SLC25A25: variants seen among roughly 807,000 people sequenced by gnomAD.
The protein encoded by SLC25A25 is mitochondrial adenyl nucleotide antiporter SLC25A25.
In SLC25A25, 32 loss-of-function variants were observed where a neutral mutation model predicts 57.7. The observed-to-expected ratio is 0.55, with a 90% CI of 0.42 to 0.74. The LOEUF (loss-of-function observed/expected upper bound fraction) is 0.74, where lower values mean the gene tolerates loss of function less well. Ranked by LOEUF, SLC25A25 falls within the 30% of genes least tolerant of loss-of-function variation. The pLI is 0.00. For synonymous variants in SLC25A25, 306 were observed against 291.2 expected (o/e 1.05, Z -0.52); for missense variants, 556 against 701.3 (o/e 0.79, Z 2.34).
intron 6 of SLC25A25, among the ~76,000 whole-genome samples, chr9:128,104,249 A>G (rs1833925818): frequency 6.6e-6 from 1 of 152,186 alleles, no homozygotes; most frequent in Non-Finnish European, 1.5e-5. Context: ...CAGCAGAGAT[A>G]AGCTGGGCTG....
chr9:128,107,792 A>T lies in SLC25A25; in HGVS notation c.*348A>T. ...CTTAGTTCTTCCATTTCACCCTTGC[A>T]GCCAGCTGTTGGCCACGGCCCCTGC... On this transcript the variant is annotated 3_prime_UTR_variant, in exon 11 of 11. Coordinates refer to ENST00000373069, the MANE Select transcript of SLC25A25 (RefSeq NM_001330988.2). The T allele has an allele frequency of 2.5e-6, 1 of 406,068 alleles. No homozygotes were observed. Among genetic ancestry groups the T allele is most frequent in the Non-Finnish European group, 4.3e-6 (1 of 230,364 alleles). The allele number at this position is 406,068 out of a possible 1,614,324, so 25.2% of individuals were successfully genotyped here. A position where few individuals can be genotyped will look rare whatever the true frequency, so the allele number is the denominator to read the frequency against.
intron 1 of SLC25A25, chr9:128,091,469 G>C: frequency 1.0e-6 from 1 of 986,898 alleles, no homozygotes; most frequent in Non-Finnish European, 1.2e-6. Context: ...GATGAGCGAG[G>C]ACAGCTGAAT....
intron 1 of SLC25A25, chr9:128,092,164 TG>T (rs1833428555): frequency 6.5e-7 from 1 of 1,543,334 alleles, no homozygotes; most frequent in Non-Finnish European, 8.8e-7. Flanking sequence ...AAAACGAGTG[TG>T]GGGAGGAAGG....
chr9:128,106,517 C>T lies in SLC25A25; in HGVS notation c.1209C>T (p.Tyr403=), dbSNP rs1332755791. 8.7e-6 allele frequency: 14 copies of T among 1,600,588 alleles called. No homozygotes were observed. Among genetic ancestry groups the T allele is most frequent in the Middle Eastern group, 1.8e-4 (1 of 5,548 alleles). Residue 403 remains tyrosine, a synonymous_variant, in exon 9 of 11, where the codon TAC becomes TAT. Transcript: ENST00000373069. ...ATGCCGGCATCGACCTTGCAGTCTA[C>T]GAGGTGAGGCCCAAGCTGGACAGAT... ...IPYAGIDLAV[Y]ETLKNAWLQH...
At chr9:128,086,832 G>A (rs1303624862) in intron 1 of SLC25A25, among the ~76,000 whole-genome samples, 1 of 152,164 alleles carries the variant, frequency 6.6e-6, no homozygotes, top group Non-Finnish European at 1.5e-5. Context: ...CCTTTGAGCT[G>A]TGGTCCTCAT....
rs1396105260 is a variant in SLC25A25 at position 128,102,519 on chromosome 9, G to A, written c.624+38G>A. 4 of 1,555,728 alleles carry A rather than the reference G, an allele frequency of 2.6e-6. No individual in the cohort carries two copies. Among genetic ancestry groups the A allele is most frequent in the Non-Finnish European group, 3.5e-6 (4 of 1,132,694 alleles). Reference sequence around the variant, plus strand: ...TGCCCAGGGCCCTCATCTGCTCCCAGGGACCCTTAGCCCAGAGTCACCCAG... The same window carrying A: ...TGCCCAGGGCCCTCATCTGCTCCCAAGGACCCTTAGCCCAGAGTCACCCAG... On this transcript the variant is annotated intron_variant, in intron 5 of 10. Transcript: ENST00000373069. The surrounding 1 kb of genome is among the most constrained non-coding windows in gnomAD (Gnocchi z 4.1).
rs946861770 is a variant in SLC25A25 at position 128,108,612 on chromosome 9, T to G, written c.*1168T>G. ...TTTTCAAGTTCATTTTTTATTCATA[T>G]TTATGTTCATGGTTGATTGTACCTT... On this transcript the variant is annotated 3_prime_UTR_variant, in exon 11 of 11. Coordinates refer to ENST00000373069, the MANE Select transcript of SLC25A25 (RefSeq NM_001330988.2). The G allele has an allele frequency of 5.8e-6, 1 of 173,284 alleles. No individual in the cohort carries two copies. The highest frequency in any genetic ancestry group is 6.3e-5 in the Admixed American group (1 of 15,868). 10.7% of individuals were successfully genotyped at this position (173,284 alleles called of 1,614,324 possible). A position where few individuals can be genotyped will look rare whatever the true frequency, so the allele number is the denominator to read the frequency against.
chr9:128,101,371 C>G lies in SLC25A25; in HGVS notation c.451C>G (p.Gln151Glu). 1 of 1,614,262 alleles carries G rather than the reference C, an allele frequency of 6.2e-7. No individual in the cohort carries two copies. The highest frequency in any genetic ancestry group is 1.3e-5 in the African/African-American group (1 of 75,082). Residue 151 changes from glutamine (Q) to glutamate (E), a missense_variant, in exon 3 of 11, where the codon CAG becomes GAG. By Grantham distance (29) the Gln-to-Glu change is conservative (BLOSUM62 2). This residue lies in a region of SLC25A25 where 248 missense variants were observed against 273.5 expected (regional missense o/e 0.91). Coordinates refer to ENST00000373069, the MANE Select transcript of SLC25A25 (RefSeq NM_001330988.2). The surrounding 1 kb of genome is among the most constrained non-coding windows in gnomAD (Gnocchi z 4.9). Reference sequence around the variant, plus strand: ...GGACTTGGGAGTCAAGATATCTGAACAGCAGGCAGAAAAAATTCTCAAGAG... The same window carrying G: ...GGACTTGGGAGTCAAGATATCTGAAGAGCAGGCAGAAAAAATTCTCAAGAG... ...LRDLGVKISE[Q>E]QAEKILKRIR...
At position 128,068,414 on chromosome 9, in the gene SLC25A25, T is replaced by A; in HGVS notation, c.95T>A (p.Val32Glu). The part of the protein sequence containing the change: ...ASSSASSPAS[V>E]GDPCGGAICG... ...TCGTCTGCCTCATCGCCGGCGTCCG[T>A]GGGGGACCCCTGCGGCGGCGCTATC... The change falls in exon 1 of 11, where the codon GTG becomes GAG. Residue 32 changes from valine to glutamate, a missense_variant. Val to Glu is a moderately radical substitution (Grantham distance 121, BLOSUM62 -2). This residue lies in a region of SLC25A25 where 248 missense variants were observed against 273.5 expected (regional missense o/e 0.91). Transcript: ENST00000373069. 6.4e-7 allele frequency: 1 copy of A among 1,562,120 alleles called. No individual in the cohort carries two copies. The highest frequency in any genetic ancestry group is 8.6e-7 in the Non-Finnish European group (1 of 1,164,152).
intron 6 of SLC25A25, among the ~76,000 whole-genome samples, chr9:128,104,831 A>AATTATTATTATT (rs57220788): frequency 2.9e-4 from 42 of 144,570 alleles, no homozygotes; most frequent in African/African-American, 1.0e-3. Flanking sequence ...GATTTTTAAA[A>AATTATTATTATT]ATTATTATTA....
rs763732272 is a variant in SLC25A25 at position 128,105,894 on chromosome 9, C to A, written c.936+13C>A. ...GGCCTATGAGCAGGTGAGGACCCAG[C>A]TCCTCAGGAGGGTCACCGGCCAGTG... On this transcript the variant is annotated intron_variant, in intron 7 of 10. Coordinates refer to ENST00000373069, the MANE Select transcript of SLC25A25 (RefSeq NM_001330988.2). 1 of 1,612,560 alleles carries A rather than the reference C, an allele frequency of 6.2e-7. No homozygotes were observed. The highest frequency in any genetic ancestry group is 8.5e-7 in the Non-Finnish European group (1 of 1,179,056).
At chr9:128,106,875 T>C (rs1435785749) in intron 9 of SLC25A25, among the ~76,000 whole-genome samples, 154 bp from the exon 10 acceptor site, 1 of 152,082 alleles carries the variant, frequency 6.6e-6, no homozygotes, top group Non-Finnish European at 1.5e-5. Context: ...GAATTCCCAG[T>C]GACAGCAGAA....
chr9:128,081,882 G>C (rs1833163154), intron 1 of SLC25A25, among the ~76,000 whole-genome samples: 1 of 151,752 alleles, frequency 6.6e-6, no homozygotes. Flanking sequence ...GATCATACCT[G>C]CACTCCAGTC....
In SLC25A25 at chr9:128,107,894, C is replaced by T. The variant is rs1228237381; in HGVS notation, c.*450C>T. On this transcript the variant is annotated 3_prime_UTR_variant, in exon 11 of 11. Transcript: ENST00000373069. ...CTGAGGTAAGGTGGGAGGAGGGCTA[C>T]AGCCCACATCCCACCCCCTCGTCCA... 2 of 400,570 alleles carry T rather than the reference C, an allele frequency of 5.0e-6. No homozygotes were observed. The highest frequency in any genetic ancestry group is 8.8e-6 in the Non-Finnish European group (2 of 227,552). The allele number at this position is 400,570 out of a possible 1,614,324, so 24.8% of individuals were successfully genotyped here. A position where few individuals can be genotyped will look rare whatever the true frequency, so the allele number is the denominator to read the frequency against.
At chr9:128,075,920 T>C (rs1833001245) in intron 1 of SLC25A25, among the ~76,000 whole-genome samples, 2 of 152,320 alleles carry the variant, frequency 1.3e-5, no homozygotes, top group East Asian at 3.9e-4. Flanking sequence ...GAAACAAATA[T>C]TTTGCTGGTA....
chr9:128,092,251 T>C (rs10117089), intron 1 of SLC25A25, among the ~76,000 whole-genome samples: 113,114 of 151,994 alleles, frequency 0.74, 43,711 homozygotes, highest in Non-Finnish European at 0.85. Context: ...CAATCTAAAA[T>C]CTTTCTGTGG....
chr9:128,086,838 C>T (rs946370343), intron 1 of SLC25A25, among the ~76,000 whole-genome samples: 2 of 152,136 alleles, frequency 1.3e-5, no homozygotes, highest in Non-Finnish European at 2.9e-5. Context: ...AGCTGTGGTC[C>T]TCATGCATTT....
intron 9 of SLC25A25, 112 bp downstream of exon 9, chr9:128,106,632 C>T (rs2130829267): frequency 1.5e-6 from 2 of 1,303,266 alleles, no homozygotes; most frequent in Middle Eastern, 2.8e-4. Flanking sequence ...AAAGACTGCG[C>T]CTCCTTCCTG....
intron 1 of SLC25A25, among the ~76,000 whole-genome samples, chr9:128,075,927 G>A (rs920244040): frequency 6.6e-6 from 1 of 152,154 alleles, no homozygotes; most frequent in Non-Finnish European, 1.5e-5. Context: ...ATATTTTGCT[G>A]GTATTCATTT....
Sources: allele counts gnomAD v4.1 joint callset (sites outside exome capture counted in the v4.1 genomes callset), GRCh38; gene constraint gnomAD v4.1.1; regional missense constraint gnomAD v4.1.1; non-coding constraint Gnocchi (gnomAD v3.1); transcripts MANE v1.5; gene names NCBI Gene and HGNC (gene_info 2026-07-23, HGNC 2026-07-21).